The following C2orf76 variants were observed in gnomAD, a reference collection of about 807,000 sequenced individuals.
The protein encoded by C2orf76 is UPF0538 protein C2orf76.
A neutral mutation model predicts 16.9 loss-of-function variants in C2orf76; 23 were observed. That is an observed-to-expected ratio of 1.36 (90% CI 0.98 to 1.93). C2orf76 has a LOEUF of 1.93. Ranked by LOEUF, C2orf76 falls within the 30% of genes most tolerant of loss-of-function variation. The pLI, the probability that C2orf76 is intolerant of heterozygous loss-of-function variation, is 0.00. For missense variants in C2orf76, 152 were observed against 152.6 expected (o/e 1.00, Z 0.02); for synonymous variants, 48 against 52.3 (o/e 0.92, Z 0.35).
chr2:119,299,029 C>T (rs988273147), downstream of C2orf76, among the ~76,000 whole-genome samples: 2 of 152,192 alleles, frequency 1.3e-5, no homozygotes, highest in Admixed American at 6.5e-5. Flanking sequence ...GATCCTCCCA[C>T]CTCCGCCTCC....
chr2:119,356,235 T>A (rs748297678), intron 1 of C2orf76, among the ~76,000 whole-genome samples: 1 of 151,772 alleles, frequency 6.6e-6, no homozygotes, highest in Non-Finnish European at 1.5e-5. Flanking sequence ...AAACCCCAAC[T>A]CTACTAAAAA....
chr2:119,319,152 T>C (rs1276857146), intron 3 of C2orf76, among the ~76,000 whole-genome samples: 1 of 152,160 alleles, frequency 6.6e-6, no homozygotes, highest in Non-Finnish European at 1.5e-5. Flanking sequence ...CCTTACTAAA[T>C]ATTAATCCTG....
upstream of C2orf76, chr2:119,367,095 A>T: frequency 1.2e-6 from 2 of 1,612,950 alleles, no homozygotes; most frequent in Non-Finnish European, 1.7e-6. Flanking sequence ...GCGAAGGTGC[A>T]GCGGGCGGGA....
At chr2:119,312,750 G>A (rs1407149035) in intron 4 of C2orf76, among the ~76,000 whole-genome samples, 1 of 152,182 alleles carries the variant, frequency 6.6e-6, no homozygotes, top group Non-Finnish European at 1.5e-5. Flanking sequence ...GCTATTGACT[G>A]GGTGCGGTGG....
chr2:119,361,022 T>C (rs1317177218), intron 1 of C2orf76, among the ~76,000 whole-genome samples: 1 of 152,194 alleles, frequency 6.6e-6, no homozygotes, highest in Non-Finnish European at 1.5e-5. Flanking sequence ...TTAGGAATCT[T>C]TGATGATGGA....
the C2orf76 span, among the ~76,000 whole-genome samples, chr2:119,283,915 C>T: frequency 2.0e-5 from 3 of 152,156 alleles, no homozygotes; most frequent in Non-Finnish European, 4.4e-5. Flanking sequence ...CAGGACATCC[C>T]GGAAAGTTGA....
intron 1 of C2orf76, 26 bp from the exon 2 acceptor site, chr2:119,339,997 C>A: frequency 6.3e-7 from 1 of 1,592,222 alleles, no homozygotes; most frequent in South Asian, 1.1e-5. Context: ...TGAGAACCAT[C>A]TAAATGAAGC....
At chr2:119,334,428 T>C (rs1679777089) in intron 2 of C2orf76, among the ~76,000 whole-genome samples, 1 of 135,884 alleles carries the variant, frequency 7.4e-6, no homozygotes, top group Admixed American at 7.5e-5. Context: ...GACTCACACC[T>C]ATAATTCCAG....
At chr2:119,289,862 G>T in the C2orf76 span, among the ~76,000 whole-genome samples, 1 of 151,904 alleles carries the variant, frequency 6.6e-6, no homozygotes, top group Admixed American at 6.6e-5. Context: ...GCCACACCCA[G>T]CTAAGCCAGG....
the C2orf76 span, among the ~76,000 whole-genome samples, chr2:119,285,731 T>C: frequency 6.6e-5 from 10 of 152,236 alleles, no homozygotes; most frequent in East Asian, 1.3e-3. Context: ...GTATCTGAAT[T>C]TCTTAATATA....
intron 5 of C2orf76, among the ~76,000 whole-genome samples, chr2:119,307,990 C>A (rs748756184): frequency 1.3e-5 from 2 of 152,174 alleles, no homozygotes; most frequent in Non-Finnish European, 2.9e-5. Context: ...TTATGACAAC[C>A]TTCTAGAATA....
At chr2:119,348,158 A>C (rs558115587) in intron 1 of C2orf76, among the ~76,000 whole-genome samples, 1 of 152,350 alleles carries the variant, frequency 6.6e-6, no homozygotes, top group South Asian at 2.1e-4. Flanking sequence ...TTTTCATAAT[A>C]AAAACATTTT....
At chr2:119,318,883 A>G (rs1202194944) in intron 3 of C2orf76, among the ~76,000 whole-genome samples, 4 of 152,172 alleles carry the variant, frequency 2.6e-5, no homozygotes, top group African/African-American at 9.7e-5. Flanking sequence ...CCTAAGAAAT[A>G]AAAATAAATC....
At position 119,339,870 on chromosome 2, in the gene C2orf76, A is replaced by G. The variant is rs367670707; in HGVS notation, c.90T>C (p.Asn30=). Residue 30 remains asparagine (N), a synonymous_variant, in exon 2 of 6, where the codon AAT becomes AAC. Coordinates refer to ENST00000334816, the MANE Select transcript of C2orf76 (RefSeq NM_001322331.2). Reference sequence around the variant, plus strand: ...TAAATTCCTTTACAGTTTGGTCCAAATTCACTCCGTGATACACTACAGGTT... The same window carrying G: ...TAAATTCCTTTACAGTTTGGTCCAAGTTCACTCCGTGATACACTACAGGTT... The part of the protein sequence containing the change: ...NFKPVVYHGV[N]LDQTVKEFIV... The G allele has an allele frequency of 2.2e-5, 35 of 1,610,722 alleles. No individual in the cohort carries two copies. The highest frequency in any genetic ancestry group is 2.8e-5 in the Non-Finnish European group (33 of 1,177,230).
intron 2 of C2orf76, among the ~76,000 whole-genome samples, chr2:119,338,495 T>C (rs1050140266): frequency 1.3e-5 from 2 of 152,156 alleles, no homozygotes; most frequent in African/African-American, 4.8e-5. Context: ...TTACTGTTCT[T>C]TGTTGAGGAT....
At chr2:119,328,449 C>G (rs1161956257) in intron 2 of C2orf76, among the ~76,000 whole-genome samples, 1 of 152,072 alleles carries the variant, frequency 6.6e-6, no homozygotes, top group Non-Finnish European at 1.5e-5. Flanking sequence ...TGCAGAAAGT[C>G]TGTAGTGATA....
chr2:119,290,947 C>G, the C2orf76 span, among the ~76,000 whole-genome samples: 1 of 152,120 alleles, frequency 6.6e-6, no homozygotes, highest in Non-Finnish European at 1.5e-5. Flanking sequence ...TTTCAGCTAT[C>G]AGACGCCAAG....
At chr2:119,340,755 T>TACACACAC (rs60777590) in intron 1 of C2orf76, among the ~76,000 whole-genome samples, 164 of 140,352 alleles carry the variant, frequency 1.2e-3, no homozygotes, top group Middle Eastern at 7.1e-3. Context: ...TGCTTTCTAA[T>TACACACAC]ACACACACAC....
intron 5 of C2orf76, among the ~76,000 whole-genome samples, chr2:119,303,455 C>G (rs1678679392): frequency 6.6e-6 from 1 of 152,152 alleles, no homozygotes. Flanking sequence ...TTCAGAATCT[C>G]CACAAGAAAA....
Sources: gnomAD v4.1 joint callset for allele counts (sites outside exome capture counted in the v4.1 genomes callset) on GRCh38, gnomAD v4.1.1 for gene constraint, MANE v1.5 for transcripts, NCBI Gene and HGNC (gene_info 2026-07-23, HGNC 2026-07-21) for gene names.